FBLN1: variants seen among roughly 807,000 people sequenced by gnomAD.
FBLN1 encodes fibulin 1, also known as fibulin-1.
FBLN1 carries 34 observed loss-of-function variants against 89.7 expected under a neutral mutation model. That is an observed-to-expected ratio of 0.38 (90% CI 0.29 to 0.50). The LOEUF (loss-of-function observed/expected upper bound fraction) is 0.50, where lower values mean the gene tolerates loss of function less well. FBLN1 is among the 20% of genes least tolerant of loss of function. The probability of loss-of-function intolerance (pLI) is 0.92; values close to 1 mark genes in which losing one functional copy is unlikely to be tolerated. For synonymous variants in FBLN1, 393 were observed against 391.3 expected (o/e 1.00, Z -0.05); for missense variants, 777 against 988.1 (o/e 0.79, Z 2.86).
At chr22:45,591,741 G>A (rs965467058) in intron 16 of FBLN1, among the ~76,000 whole-genome samples, 1 of 152,168 alleles carries the variant, frequency 6.6e-6, no homozygotes, top group African/African-American at 2.4e-5. Context: ...TTTTTGCCGT[G>A]TGTTTATGAC....
chr22:45,525,748 A>G lies in FBLN1; in HGVS notation c.321+70A>G, dbSNP rs1367952712. The stretch of plus-strand genomic sequence containing the variant: ...TCGGCAGACCCAGGCCCTCCCAGCC[A>G]AGCGGCACTGTCTGTCAGCGCTCCC... On this transcript the variant is annotated intron_variant, in intron 3 of 16. Coordinates refer to ENST00000327858, the MANE Select transcript of FBLN1 (RefSeq NM_006486.3). 3.7e-5 allele frequency: 57 copies of G among 1,544,248 alleles called. 2 individuals carry two copies. The highest frequency in any genetic ancestry group is 2.3e-4 in the South Asian group (19 of 83,942).
intron 16 of FBLN1, among the ~76,000 whole-genome samples, chr22:45,598,679 G>A (rs143991476): frequency 2.6e-5 from 4 of 152,320 alleles, no homozygotes; most frequent in African/African-American, 7.2e-5. Context: ...TTTGAAACCA[G>A]CATCCTGTTC....
rs76001297 is a variant in FBLN1, at chr22:45,598,365, C to T, written c.1973-1942C>T. Among the ~76,000 whole-genome samples the T allele has an allele frequency of 9.8e-3, 1,486 of 152,356 alleles. 25 individuals carry two copies. Among genetic ancestry groups the T allele is most frequent in the African/African-American group, 0.034 (1,412 of 41,584 alleles). The stretch of plus-strand genomic sequence containing the variant: ...AGAGCCACCTGTTAGATAGTTACCC[C>T]ACATCCCCACCCTCAACACCACCTT... On this transcript the variant is annotated intron_variant, in intron 16 of 16. Coordinates refer to ENST00000327858, the MANE Select transcript of FBLN1 (RefSeq NM_006486.3).
rs1419587322 is a variant in FBLN1, at chr22:45,532,523, T to C, written c.545-540T>C. On this transcript the variant is annotated intron_variant, in intron 5 of 16. Transcript: ENST00000327858. This position sits in a 1 kb window ranked among gnomAD's most constrained non-coding sequence, Gnocchi z 4.2. ...AGGCTTATCCTGATGAGATTTGCAC[T>C]CTGAGCATCACTCTGGCCACCCTGT... Among the ~76,000 whole-genome samples the C allele has an allele frequency of 6.6e-6, 1 of 152,086 alleles. No homozygotes were observed. Among genetic ancestry groups the C allele is most frequent in the African/African-American group, 2.4e-5 (1 of 41,414 alleles).
At position 45,581,079 on chromosome 22, in the gene FBLN1, G is replaced by A. The variant is rs754692992; in HGVS notation, c.1972+3971G>A. On this transcript the variant is annotated intron_variant, in intron 16 of 16. Transcript: ENST00000327858. This position sits in a 1 kb window ranked among gnomAD's most constrained non-coding sequence, Gnocchi z 7.6. ...GGATTCATTCTCAGCTCTGCAGCCT[G>A]TAATCCGGGGTGCTCTGGGAAGAGA... Among the ~76,000 whole-genome samples the A allele has an allele frequency of 6.6e-6, 1 of 152,226 alleles. No homozygotes were observed. The highest frequency in any genetic ancestry group is 1.5e-5 in the Non-Finnish European group (1 of 68,042).
intron 14 of FBLN1, chr22:45,558,112 GGAGAA>G: frequency 1.4e-6 from 1 of 716,402 alleles, no homozygotes; most frequent in Non-Finnish European, 2.6e-6. Flanking sequence ...GGTGCAGGCT[GGAGAA>G]GAGAAGGCAA....
chr22:45,504,846 G>A (rs942324082), intron 1 of FBLN1, among the ~76,000 whole-genome samples: 1 of 152,204 alleles, frequency 6.6e-6, no homozygotes, highest in Non-Finnish European at 1.5e-5. Context: ...AAAGCAGCTG[G>A]ATGTCCTGTG....
rs530472970 is a variant in FBLN1 at position 45,590,639 on chromosome 22, C to T, written c.1973-9668C>T. 9.9e-5 allele frequency among the ~76,000 whole-genome samples: 15 copies of T among 152,198 alleles called. No homozygotes were observed. The highest frequency in any genetic ancestry group is 2.6e-4 in the African/African-American group (11 of 41,528). Reference sequence around the variant, plus strand: ...CGTGTTCAGGTAGATGCGACGAGGCCGGAACTGAGGCCAGGTGGGGTTGTG... The same window carrying T: ...CGTGTTCAGGTAGATGCGACGAGGCTGGAACTGAGGCCAGGTGGGGTTGTG... On this transcript the variant is annotated intron_variant, in intron 16 of 16. Transcript: ENST00000327858. The surrounding 1 kb of genome is among the most constrained non-coding windows in gnomAD (Gnocchi z 4.1).
chr22:45,600,449 G>GCTGGT lies in FBLN1; in HGVS notation c.*7_*11dup. The GCTGGT allele has an allele frequency of 6.2e-7, 1 of 1,614,140 alleles. No homozygotes were observed. Among genetic ancestry groups the GCTGGT allele is most frequent in the Non-Finnish European group, 8.5e-7 (1 of 1,180,036 alleles). On this transcript the variant is annotated 3_prime_UTR_variant, in exon 17 of 17. Coordinates refer to ENST00000327858, the MANE Select transcript of FBLN1 (RefSeq NM_006486.3). ...TCGTCTCTGAGTACTGGTTCTGAGG[G>GCTGGT]CTGGTCTGCCGCACAGCCGCAGGTG...
intron 10 of FBLN1, 45 bp from the exon 11 acceptor site, chr22:45,543,356 A>G: frequency 6.2e-7 from 1 of 1,606,826 alleles, no homozygotes; most frequent in South Asian, 1.1e-5. Context: ...GTGTGGTGCC[A>G]CTGTGTTGGA....
At chr22:45,518,880 A>G in intron 2 of FBLN1, 93 bp downstream of exon 2, 1 of 1,169,678 alleles carries the variant, frequency 8.5e-7, no homozygotes, top group East Asian at 2.6e-5. Context: ...ACCTCTCGGG[A>G]GAGGCTGGAC....
intron 8 of FBLN1, among the ~76,000 whole-genome samples, chr22:45,539,162 C>A (rs1301545153): frequency 7.6e-6 from 1 of 130,750 alleles, no homozygotes; most frequent in Non-Finnish European, 1.6e-5. Flanking sequence ...TTCCCTTCCC[C>A]TTCTCTCCCT....
rs1372213589 is a variant in FBLN1 at position 45,575,055 on chromosome 22, T to G, written c.1840+402T>G. 6.6e-6 allele frequency among the ~76,000 whole-genome samples: 1 copy of G among 152,178 alleles called. No homozygotes were observed. The highest frequency in any genetic ancestry group is 1.5e-5 in the Non-Finnish European group (1 of 68,010). ...CCTCAGCCTCCCAAAGTGCTGGGAT[T>G]ACAGGCGTGAGCCACCGCGCCTGGC... On this transcript the variant is annotated intron_variant, in intron 15 of 16. Coordinates refer to ENST00000327858, the MANE Select transcript of FBLN1 (RefSeq NM_006486.3). The surrounding 1 kb of genome is among the most constrained non-coding windows in gnomAD (Gnocchi z 6.3).
At chr22:45,543,127 C>T (rs1210073772) in intron 10 of FBLN1, among the ~76,000 whole-genome samples, 2 of 152,158 alleles carry the variant, frequency 1.3e-5, no homozygotes, top group Non-Finnish European at 1.5e-5. Flanking sequence ...ATTAGCCGGG[C>T]GTGGTGGCAC....
Position 45,545,134 on chromosome 22 carries a change from C to T in FBLN1, c.1321+1608C>T, listed in dbSNP as rs745586866. Among the ~76,000 whole-genome samples, 12 of 152,168 alleles carry T rather than the reference C, an allele frequency of 7.9e-5. No individual in the cohort carries two copies. The highest frequency in any genetic ancestry group is 1.2e-4 in the Non-Finnish European group (8 of 68,036). On this transcript the variant is annotated intron_variant, in intron 11 of 16. Transcript: ENST00000327858. The surrounding 1 kb of genome is among the most constrained non-coding windows in gnomAD (Gnocchi z 5.9). The stretch of plus-strand genomic sequence containing the variant: ...GCTGTGGTGTGCATGATTCTCAAAT[C>T]GGAGGACGGACGGTGTGAGGGGTCC...
At chr22:45,533,677 G>A (rs756874772) in intron 6 of FBLN1, 84 bp from the exon 7 acceptor site, 76 of 1,533,742 alleles carry the variant, frequency 5.0e-5, no homozygotes, top group African/African-American at 9.5e-5. Flanking sequence ...CACTTCCACC[G>A]TGGCTTTGGC....
chr22:45,557,324 G>A lies in FBLN1; in HGVS notation c.1697+6709G>A, dbSNP rs773132284. Among the ~76,000 whole-genome samples, 2 of 152,156 alleles carry A rather than the reference G, an allele frequency of 1.3e-5. No homozygotes were observed. Among genetic ancestry groups the A allele is most frequent in the Non-Finnish European group, 2.9e-5 (2 of 68,032 alleles). On this transcript the variant is annotated intron_variant, in intron 14 of 16. Coordinates refer to ENST00000327858, the MANE Select transcript of FBLN1 (RefSeq NM_006486.3). The surrounding 1 kb of genome is among the most constrained non-coding windows in gnomAD (Gnocchi z 4.9). ...CATATCCAGAGTAAGTGTCTATTCC[G>A]GTGAGGACAAACCTCTGCCATTTCC...
chr22:45,576,912 A>T lies in FBLN1; in HGVS notation c.1841-65A>T. ...ATTCCCCAAGGGTGAGTTCCTGGGG[A>T]CGAGGCTGGGACTGGGGCTGGGGCC... On this transcript the variant is annotated intron_variant, in intron 15 of 16. Coordinates refer to ENST00000327858, the MANE Select transcript of FBLN1 (RefSeq NM_006486.3). The surrounding 1 kb of genome is among the most constrained non-coding windows in gnomAD (Gnocchi z 5.2). 1 of 1,602,660 alleles carries T rather than the reference A, an allele frequency of 6.2e-7. No individual in the cohort carries two copies. The highest frequency in any genetic ancestry group is 8.5e-7 in the Non-Finnish European group (1 of 1,175,348).
In FBLN1 at chr22:45,543,530, A is replaced by G; in HGVS notation, c.1321+4A>G. 6.2e-7 allele frequency: 1 copy of G among 1,612,666 alleles called. No homozygotes were observed. The highest frequency in any genetic ancestry group is 8.5e-7 in the Non-Finnish European group (1 of 1,179,878). ...GTGGATGGCAGGTCATGTGAAGGTGAGGCTGGGGCCCCGTCCACTCACCTC... is the reference window on the plus strand; with the variant it reads ...GTGGATGGCAGGTCATGTGAAGGTGGGGCTGGGGCCCCGTCCACTCACCTC... On this transcript the variant is annotated splice_donor_region_variant and intron_variant, in intron 11 of 16. Coordinates refer to ENST00000327858, the MANE Select transcript of FBLN1 (RefSeq NM_006486.3).
Sources: gnomAD v4.1 joint callset for allele counts (sites outside exome capture counted in the v4.1 genomes callset) on GRCh38, gnomAD v4.1.1 for gene constraint, Gnocchi (gnomAD v3.1) non-coding constraint, MANE v1.5 for transcripts, NCBI Gene and HGNC (gene_info 2026-07-23, HGNC 2026-07-21) for gene names.